The following EEFSEC variants were observed in gnomAD, a reference collection of about 807,000 sequenced individuals.
EEFSEC encodes eukaryotic elongation factor, selenocysteine-tRNA specific.
Under a neutral mutation model 42.1 loss-of-function variants are expected in EEFSEC, and 43 were observed. The ratio of observed to expected loss-of-function variants is 1.02; its 90% CI spans 0.80 to 1.32. The LOEUF is 1.32. Among genes scored for constraint, EEFSEC ranks in the 40% most tolerant of loss-of-function variants. The pLI, the probability that EEFSEC is intolerant of heterozygous loss-of-function variation, is 0.00. For synonymous variants in EEFSEC, 354 were observed against 339.1 expected, an observed-to-expected ratio of 1.04 and a Z score of -0.48; for missense variants, 745 against 803.6, an observed-to-expected ratio of 0.93 and a Z score of 0.88.
intron 4 of EEFSEC, among the ~76,000 whole-genome samples, chr3:128,279,906 T>G (rs1204090047): frequency 6.6e-6 from 1 of 152,214 alleles, no homozygotes; most frequent in African/African-American, 2.4e-5. Context: ...CAAGAGTCAG[T>G]GCACACGAGC....
chr3:128,246,741 CT>C, intron 1 of EEFSEC, 94 bp from the exon 2 acceptor site: 2 of 1,342,166 alleles, frequency 1.5e-6, no homozygotes, highest in Non-Finnish European at 2.1e-6. Context: ...ACTTTGCTCA[CT>C]TTTACTGCAG....
rs371543958 is a variant in EEFSEC, at chr3:128,408,265, C to A, written c.*6C>A. 1 of 1,559,446 alleles carries A rather than the reference C, an allele frequency of 6.4e-7. No individual in the cohort carries two copies. Among genetic ancestry groups the A allele is most frequent in the East Asian group, 2.4e-5 (1 of 42,200 alleles). On this transcript the variant is annotated 3_prime_UTR_variant, in exon 7 of 7. Coordinates refer to ENST00000254730, the MANE Select transcript of EEFSEC (RefSeq NM_021937.5). ...GCATGGTTCAGTCTCCCTGAGTGTC[C>A]GGTGACCTCCCCCAGGGCCTCCTTG...
intron 4 of EEFSEC, among the ~76,000 whole-genome samples, chr3:128,287,935 A>T (rs1428517678): frequency 6.6e-6 from 1 of 152,152 alleles, no homozygotes; most frequent in Admixed American, 6.5e-5. Context: ...CATAGTATAC[A>T]CATTGTTTTG....
intron 4 of EEFSEC, among the ~76,000 whole-genome samples, chr3:128,305,819 C>CTTTGCTATGT: frequency 6.6e-6 from 1 of 152,158 alleles, no homozygotes; most frequent in Non-Finnish European, 1.5e-5. Flanking sequence ...GTATTTCTTT[C>CTTTGCTATGT]ATTGGGTAAT....
intron 1 of EEFSEC, among the ~76,000 whole-genome samples, chr3:128,231,772 T>C (rs192615049): frequency 5.9e-4 from 90 of 152,280 alleles, no homozygotes; most frequent in Admixed American, 9.2e-4. Flanking sequence ...TTGGCAAGTC[T>C]GAGTGTTTAT....
intron 4 of EEFSEC, among the ~76,000 whole-genome samples, chr3:128,283,019 C>G (rs2066544776): frequency 6.6e-6 from 1 of 152,238 alleles, no homozygotes; most frequent in East Asian, 1.9e-4. Context: ...GTGCTTCCTG[C>G]CAGGAGGCCT....
At position 128,275,019 on chromosome 3, in the gene EEFSEC, C is replaced by T. The variant is rs540735470; in HGVS notation, c.786+10238C>T. Among the ~76,000 whole-genome samples the T allele has an allele frequency of 2.3e-4, 35 of 152,296 alleles. 1 individual carries two copies. In the South Asian group the frequency reaches 6.2e-3, roughly 27 times the overall value. ...ATGGATGCGGGCTTGCTGGGCTTAC[C>T]GAAACTTGTATGCCTGTAGGCCTCT... On this transcript the variant is annotated intron_variant, in intron 4 of 6. Transcript: ENST00000254730.
At chr3:128,215,802 A>C (rs1334945159) in intron 1 of EEFSEC, among the ~76,000 whole-genome samples, 1 of 152,026 alleles carries the variant, frequency 6.6e-6, no homozygotes, top group Non-Finnish European at 1.5e-5. Flanking sequence ...GGCTCCTGTG[A>C]GATTGCAGAG....
intron 1 of EEFSEC, among the ~76,000 whole-genome samples, chr3:128,193,408 C>G (rs569907265): frequency 1.0e-3 from 152 of 152,336 alleles, no homozygotes; most frequent in African/African-American, 3.4e-3. Flanking sequence ...TGTGACAGAG[C>G]TAACCTACTG....
chr3:128,211,898 T>C (rs1411539082), intron 1 of EEFSEC, among the ~76,000 whole-genome samples: 1 of 119,630 alleles, frequency 8.4e-6, no homozygotes, highest in Admixed American at 1.2e-4. Flanking sequence ...CTTGCTGTGT[T>C]GCACAGGCTG....
At chr3:128,411,189 C>T (rs1291880503), downstream of EEFSEC, among the ~76,000 whole-genome samples, 1 of 152,218 alleles carries the variant, frequency 6.6e-6, no homozygotes, top group East Asian at 1.9e-4. Flanking sequence ...CTGGCTGAGG[C>T]CAAGGTGTGG....
At chr3:128,400,815 T>A (rs569467823) in intron 6 of EEFSEC, among the ~76,000 whole-genome samples, 1 of 152,322 alleles carries the variant, frequency 6.6e-6, no homozygotes, top group African/African-American at 2.4e-5. Context: ...GCTTCCCGCA[T>A]TCTTCCCTGA....
rs967370998 is a variant in EEFSEC at position 128,210,100 on chromosome 3, A to G, written c.317-36736A>G. ...GGAGGCAGGAAATCCATTGTTTAAGAAAAAAAGAAGCCCAGGGGAGAAATG... is the reference window on the plus strand; with the variant it reads ...GGAGGCAGGAAATCCATTGTTTAAGGAAAAAAGAAGCCCAGGGGAGAAATG... On this transcript the variant is annotated intron_variant, in intron 1 of 6. Coordinates refer to ENST00000254730, the MANE Select transcript of EEFSEC (RefSeq NM_021937.5). Among the ~76,000 whole-genome samples, 8 of 152,314 alleles carry G rather than the reference A, an allele frequency of 5.3e-5. No individual in the cohort carries two copies. The East Asian group carries it at 1.5e-3, about 29-fold the overall frequency.
intron 6 of EEFSEC, among the ~76,000 whole-genome samples, chr3:128,382,691 CT>C (rs1365922893): frequency 6.6e-6 from 1 of 152,172 alleles, no homozygotes; most frequent in East Asian, 1.9e-4. Flanking sequence ...AAGGAGCCCT[CT>C]TCCCCTACCC....
downstream of EEFSEC, chr3:128,408,753 G>A (rs2068152201): frequency 6.5e-6 from 1 of 153,184 alleles, no homozygotes; most frequent in African/African-American, 2.4e-5. Context: ...CGGGGCCAGG[G>A]AAGGGACCCA....
chr3:128,244,530 G>T (rs1214105214), intron 1 of EEFSEC, among the ~76,000 whole-genome samples: 7 of 151,688 alleles, frequency 4.6e-5, no homozygotes, highest in Admixed American at 2.0e-4. Context: ...GGCATGGTCA[G>T]GTCTGTGTTT....
chr3:128,212,584 T>A (rs1272580951), intron 1 of EEFSEC, among the ~76,000 whole-genome samples: 1 of 152,180 alleles, frequency 6.6e-6, no homozygotes. Flanking sequence ...GAATGAGCAG[T>A]CACATCCTAA....
intron 1 of EEFSEC, among the ~76,000 whole-genome samples, chr3:128,224,963 C>T (rs2065894480): frequency 6.6e-6 from 1 of 152,204 alleles, no homozygotes; most frequent in Admixed American, 6.5e-5. Flanking sequence ...CCACACCCCT[C>T]TTAGTGAGCT....
At chr3:128,225,846 G>A (rs2065902302) in intron 1 of EEFSEC, among the ~76,000 whole-genome samples, 1 of 152,224 alleles carries the variant, frequency 6.6e-6, no homozygotes, top group African/African-American at 2.4e-5. Flanking sequence ...ACACTGCCAA[G>A]CACTTGCTCA....
Sources: gnomAD v4.1 joint callset for allele counts (sites outside exome capture counted in the v4.1 genomes callset) on GRCh38, gnomAD v4.1.1 for gene constraint, MANE v1.5 for transcripts, NCBI Gene and HGNC (gene_info 2026-07-23, HGNC 2026-07-21) for gene names.